The following COL6A2 variants were observed in gnomAD, a reference collection of about 807,000 sequenced individuals.
The protein encoded by COL6A2 is collagen alpha-2(VI) chain.
COL6A2 carries 90 observed loss-of-function variants against 124.9 expected under a neutral mutation model. The ratio of observed to expected loss-of-function variants is 0.72; its 90% CI spans 0.61 to 0.86. The LOEUF is 0.86. COL6A2 is among the 40% of genes least tolerant of loss of function. The probability of loss-of-function intolerance (pLI) is 0.00; values close to 1 mark genes in which losing one functional copy is unlikely to be tolerated. For synonymous variants in COL6A2, 793 were observed against 618.2 expected, an observed-to-expected ratio of 1.28 and a Z score of -4.19; for missense variants, 1,607 against 1,502.5, an observed-to-expected ratio of 1.07 and a Z score of -1.15.
Position 46,132,647 on chromosome 21 carries a change from A to G in COL6A2, c.*95A>G, listed in dbSNP as rs2078778683. On this transcript the variant is annotated 3_prime_UTR_variant, in exon 28 of 28. Coordinates refer to ENST00000300527, the MANE Select transcript of COL6A2 (RefSeq NM_001849.4). ...TCCCACACGGCCAGCACCGCTGCTC[A>G]CTCGGACGACGCCCTGGGCCTGCAC... The G allele has an allele frequency of 8.0e-7, 1 of 1,251,834 alleles. No homozygotes were observed. The highest frequency in any genetic ancestry group is 1.1e-6 in the Non-Finnish European group (1 of 889,926). The allele number at this position is 1,251,834 out of a possible 1,614,324, so 77.5% of individuals were successfully genotyped here.
intron 27 of COL6A2, chr21:46,129,731 A>G (rs2078735652): frequency 7.2e-7 from 1 of 1,384,948 alleles, no homozygotes; most frequent in Admixed American, 3.1e-5. Context: ...CGCTCTCTTT[A>G]TAAGAACCCT....
chr21:46,123,327 A>C (rs894322428), intron 21 of COL6A2, among the ~76,000 whole-genome samples: 1 of 131,894 alleles, frequency 7.6e-6, no homozygotes, highest in Non-Finnish European at 1.6e-5. Context: ...ATGCCTCCAC[A>C]TAGCATCCCC....
Position 46,111,604 on chromosome 21 carries a change from G to A in COL6A2, c.115+13G>A, listed in dbSNP as rs559097286. ...AACAACTGCCCAGGTGCCAGGGGTCGGGGGCCGGGGGCTCTGGGCATTTGG... is the reference window on the plus strand; with the variant it reads ...AACAACTGCCCAGGTGCCAGGGGTCAGGGGCCGGGGGCTCTGGGCATTTGG... On this transcript the variant is annotated intron_variant, in intron 2 of 27. Coordinates refer to ENST00000300527, the MANE Select transcript of COL6A2 (RefSeq NM_001849.4). 1.4e-5 allele frequency: 22 copies of A among 1,566,186 alleles called. No homozygotes were observed. The highest frequency in any genetic ancestry group is 5.0e-5 in the Admixed American group (3 of 59,682).
chr21:46,113,265 C>T (rs114685799), intron 4 of COL6A2, among the ~76,000 whole-genome samples: 2 of 152,164 alleles, frequency 1.3e-5, no homozygotes, highest in East Asian at 1.9e-4. Flanking sequence ...CCTGCAAAAA[C>T]GTGCCCTGCC....
At chr21:46,118,946 G>T in intron 13 of COL6A2, 84 bp from the exon 14 acceptor site, 1 of 1,136,662 alleles carries the variant, frequency 8.8e-7, no homozygotes, top group Non-Finnish European at 1.3e-6. Flanking sequence ...AGATAATAGG[G>T]GCTCCACACC....
Position 46,122,131 on chromosome 21 carries a change from C to T in COL6A2, c.1545C>T (p.Phe515=). Residue 515 remains phenylalanine, a synonymous_variant, in exon 19 of 28, where the codon TTC becomes TTT. Coordinates refer to ENST00000300527, the MANE Select transcript of COL6A2 (RefSeq NM_001849.4). ...GPKGDPGRPG[F]SYPGPRGAPG... ...AGGGAGACCCCGGCAGGCCTGGATT[C>T]AGCTACCCAGGACCCCGAGGAGCAC... The T allele has an allele frequency of 6.2e-7, 1 of 1,612,754 alleles. No homozygotes were observed. The highest frequency in any genetic ancestry group is 8.5e-7 in the Non-Finnish European group (1 of 1,179,996).
chr21:46,109,310 T>G (rs955798787), intron 1 of COL6A2, among the ~76,000 whole-genome samples: 3 of 152,206 alleles, frequency 2.0e-5, no homozygotes, highest in African/African-American at 7.2e-5. Flanking sequence ...TGCTCTGCCC[T>G]GCTCTGACTG....
At chr21:46,121,241 T>A in intron 17 of COL6A2, 118 bp downstream of exon 17, 1 of 1,044,642 alleles carries the variant, frequency 9.6e-7, no homozygotes, top group Non-Finnish European at 1.5e-6. Context: ...CAGCAGAGCC[T>A]GGCCTCAGAA....
At chr21:46,131,752 G>C (rs2078762575) in intron 27 of COL6A2, among the ~76,000 whole-genome samples, 1 of 152,176 alleles carries the variant, frequency 6.6e-6, no homozygotes, top group Non-Finnish European at 1.5e-5. Flanking sequence ...AGAGGAGATG[G>C]CGGCTCCCAG....
intron 1 of COL6A2, among the ~76,000 whole-genome samples, chr21:46,101,026 G>A (rs1052990956): frequency 1.6e-4 from 25 of 152,244 alleles, no homozygotes; most frequent in Non-Finnish European, 3.1e-4. Flanking sequence ...AGTGCACAAG[G>A]GTCCAGTTTC....
intron 1 of COL6A2, among the ~76,000 whole-genome samples, chr21:46,099,831 C>T (rs2078268280): frequency 6.6e-6 from 1 of 151,244 alleles, no homozygotes; most frequent in South Asian, 2.1e-4. Context: ...TCAGAAACGT[C>T]AGATGCCCAT....
intron 1 of COL6A2, among the ~76,000 whole-genome samples, chr21:46,103,676 G>T (rs528451525): frequency 4.3e-4 from 66 of 152,266 alleles, no homozygotes; most frequent in Admixed American, 2.9e-3. Flanking sequence ...ATTTAACAGG[G>T]TGTTGTTTAA....
In COL6A2 at chr21:46,122,989, G is replaced by A. The variant is rs759844246; in HGVS notation, c.1671+52G>A. 15 of 1,557,402 alleles carry A rather than the reference G, an allele frequency of 9.6e-6. No homozygotes were observed. In the Admixed American group the frequency reaches 1.2e-4, roughly 12 times the overall value. On this transcript the variant is annotated intron_variant, in intron 21 of 27. Transcript: ENST00000300527. ...AGCAGCTGGGCAGAGGCAGGGAGGG[G>A]CCCTGAGGCTGAGCGTGTGCATCTA...
In COL6A2 at chr21:46,126,631, G is replaced by A. The variant is rs776865038; in HGVS notation, c.2461+90G>A. On this transcript the variant is annotated intron_variant, in intron 27 of 27. Coordinates refer to ENST00000300527, the MANE Select transcript of COL6A2 (RefSeq NM_001849.4). ...CGAGGGCCGGGCTGGGGGAGGGGCC[G>A]TGCAGGGACCCGGGGGGCGGCGGAG... 1,147 of 1,517,402 alleles carry A rather than the reference G, an allele frequency of 7.6e-4. 2 individuals are homozygous for A. The highest frequency in any genetic ancestry group is 9.8e-4 in the Non-Finnish European group (1,079 of 1,101,810). The allele number at this position is 1,517,402 out of a possible 1,614,324, so 94.0% of individuals were successfully genotyped here. A position where few individuals can be genotyped will look rare whatever the true frequency, so the allele number is the denominator to read the frequency against.
intron 27 of COL6A2, among the ~76,000 whole-genome samples, chr21:46,127,578 C>T (rs1045969836): frequency 1.3e-5 from 2 of 152,198 alleles, no homozygotes; most frequent in East Asian, 1.9e-4. Flanking sequence ...CCAGGGTCCA[C>T]ATCAGCAGCA....
Position 46,117,459 on chromosome 21 carries a change from G to A in COL6A2, c.1053+6G>A, listed in dbSNP as rs373181368. 7.6e-5 allele frequency: 122 copies of A among 1,612,528 alleles called. No homozygotes were observed. The highest frequency in any genetic ancestry group is 5.8e-4 in the Admixed American group (35 of 59,996). On this transcript the variant is annotated splice_donor_region_variant and intron_variant, in intron 11 of 27. Transcript: ENST00000300527. ...AGGGAGACCCTGGAAACCGGGTAAG[G>A]GCCGTTTGCACCCCTCCTTCAGCCT...
intron 15 of COL6A2, among the ~76,000 whole-genome samples, chr21:46,120,263 G>C (rs2078542787): frequency 6.6e-6 from 1 of 152,196 alleles, no homozygotes; most frequent in South Asian, 2.1e-4. Flanking sequence ...CTTCCTCCCA[G>C]GAAGTGGACG....
chr21:46,131,994 C>T lies in COL6A2; in HGVS notation c.2502C>T (p.Ile834=), dbSNP rs369040271. The change falls in exon 28 of 28, where the codon ATC becomes ATT. Residue 834 remains isoleucine, a synonymous_variant. Transcript: ENST00000300527. ...AGTGCACGCAGCGGCCCGTGGACAT[C>T]GTCTTCCTGCTGGACGGCTCCGAGC... ...VAQCTQRPVD[I]VFLLDGSERL... 37 of 1,609,860 alleles carry T rather than the reference C, an allele frequency of 2.3e-5. No individual in the cohort carries two copies. Among genetic ancestry groups the T allele is most frequent in the Admixed American group, 6.7e-5 (4 of 59,926 alleles).
rs1017262821 is a variant in COL6A2, at chr21:46,113,964, A to G, written c.736-44A>G. The stretch of plus-strand genomic sequence containing the variant: ...GAGACCCTGCCCTGCCACCTGAGGA[A>G]TGTCCCACCCATGCAACCTTCTGTC... On this transcript the variant is annotated intron_variant, in intron 4 of 27. Transcript: ENST00000300527. 1.9e-6 allele frequency: 3 copies of G among 1,541,836 alleles called. No individual in the cohort carries two copies. In the African/African-American group the frequency reaches 4.1e-5, roughly 21 times the overall value.
Sources: allele counts gnomAD v4.1 joint callset (sites outside exome capture counted in the v4.1 genomes callset), GRCh38; gene constraint gnomAD v4.1.1; transcripts MANE v1.5; gene names NCBI Gene and HGNC (gene_info 2026-07-23, HGNC 2026-07-21).